The following CRYBG1 variants were observed in gnomAD, a reference collection of about 807,000 sequenced individuals.
CRYBG1 encodes the protein crystallin beta-gamma domain containing 1, also known as beta/gamma crystallin domain-containing protein 1.
A neutral mutation model predicts 189.2 loss-of-function variants in CRYBG1; 139 were observed. That is an observed-to-expected ratio of 0.73 (90% CI 0.64 to 0.85). The LOEUF is 0.85. Among genes scored for constraint, CRYBG1 ranks in the 40% least tolerant of loss-of-function variants. The probability of loss-of-function intolerance (pLI) is 0.00; values close to 1 mark genes in which losing one functional copy is unlikely to be tolerated. For synonymous variants in CRYBG1, 1,023 were observed against 1,017.1 expected (o/e 1.01, Z -0.11); for missense variants, 2,611 against 2,675.8 (o/e 0.98, Z 0.53).
chr6:106,451,787 T>C lies in CRYBG1; in HGVS notation c.267T>C (p.Ser89=). 1 of 1,535,140 alleles carries C rather than the reference T, an allele frequency of 6.5e-7. No homozygotes were observed. Among genetic ancestry groups the C allele is most frequent in the Non-Finnish European group, 8.7e-7 (1 of 1,146,540 alleles). ...CGESQFFHTT[S]EALGSLLLES... ...AATCCCAGTTCTTCCACACCACCAGTGAGGCGCTTGGTTCCTTACTTCTAG... is the reference window on the plus strand; with the variant it reads ...AATCCCAGTTCTTCCACACCACCAGCGAGGCGCTTGGTTCCTTACTTCTAG... The change falls in exon 2 of 22, where the codon AGT becomes AGC. Residue 89 remains serine (S), a synonymous_variant. Coordinates refer to ENST00000633556, the MANE Select transcript of CRYBG1 (RefSeq NM_001371242.2).
chr6:106,477,194 C>T lies in CRYBG1; in HGVS notation c.312+25362C>T, dbSNP rs189243821. Among the ~76,000 whole-genome samples, 282 of 152,180 alleles carry T rather than the reference C, an allele frequency of 1.9e-3. 2 individuals are homozygous for T. The highest frequency in any genetic ancestry group is 6.2e-3 in the African/African-American group (258 of 41,516). ...TGTAATTCCAAAGCCACAAAGATGA[C>T]GTTGTTTTAATCATTGTTTCATCCT... On this transcript the variant is annotated intron_variant, in intron 2 of 21. Transcript: ENST00000633556.
At chr6:106,459,409 A>T (rs1771956238) in intron 2 of CRYBG1, among the ~76,000 whole-genome samples, 1 of 152,114 alleles carries the variant, frequency 6.6e-6, no homozygotes, top group Admixed American at 6.5e-5. Flanking sequence ...GCAAAAAAAA[A>T]TTCCAAGAAT....
intron 15 of CRYBG1, among the ~76,000 whole-genome samples, chr6:106,552,562 G>A (rs1297328619): frequency 9.0e-6 from 1 of 110,846 alleles, no homozygotes; most frequent in Non-Finnish European, 1.7e-5. Context: ...ACTCCAGCCT[G>A]AGTGACAGAG....
chr6:106,567,924 C>T (rs150917490), intron 21 of CRYBG1, among the ~76,000 whole-genome samples: 227 of 152,266 alleles, frequency 1.5e-3, no homozygotes, highest in Middle Eastern at 3.4e-3. Flanking sequence ...AATGCTACCG[C>T]GTCCCCTTAT....
intron 2 of CRYBG1, among the ~76,000 whole-genome samples, chr6:106,498,560 A>G (rs1273114980): frequency 6.6e-6 from 1 of 152,206 alleles, no homozygotes. Flanking sequence ...CAATTGTGGT[A>G]TATCAGCATA....
At chr6:106,457,880 A>G (rs115077919) in intron 2 of CRYBG1, among the ~76,000 whole-genome samples, 1,957 of 152,338 alleles carry the variant, frequency 0.013, 31 homozygotes, top group African/African-American at 0.044. Flanking sequence ...GAAAATAGAG[A>G]GCAATGTATA....
intron 2 of CRYBG1, among the ~76,000 whole-genome samples, chr6:106,453,207 T>G (rs901762906): frequency 5.9e-5 from 9 of 152,212 alleles, no homozygotes; most frequent in African/African-American, 2.2e-4. Context: ...TAAAAAATGT[T>G]AAAGCTTACT....
Position 106,539,485 on chromosome 6 carries a change from G to C in CRYBG1, c.4801G>C (p.Asp1601His). Residue 1601 changes from aspartate (D) to histidine (H), a missense_variant, in exon 9 of 22, where the codon GAT (aspartate) becomes CAT (histidine). By Grantham distance (81) the Asp-to-His change is moderately conservative. This residue lies in a region of CRYBG1 where 1,622 missense variants were observed against 1,735.0 expected (regional missense o/e 0.93). Coordinates refer to ENST00000633556, the MANE Select transcript of CRYBG1 (RefSeq NM_001371242.2). ...TGAATACCCTGACTTGTCCTTCTGG[G>C]ATACAGAAGAAGCGTACATTGGATC... ...PGEYPDLSFW[D>H]TEEAYIGSMR... 1 of 1,613,414 alleles carries C rather than the reference G, an allele frequency of 6.2e-7. No homozygotes were observed. The highest frequency in any genetic ancestry group is 8.5e-7 in the Non-Finnish European group (1 of 1,179,488).
rs1447104280 is a variant in CRYBG1 at position 106,360,736 on chromosome 6, T to A, written c.-173T>A. ...GGCTGCAGTGCTGCTCGCGCTGCGC[T>A]GGGTGCTGGTTCTGCAACCCGCGGC... On this transcript the variant is annotated 5_prime_UTR_variant, in exon 1 of 22. Transcript: ENST00000633556. 1.5e-6 allele frequency: 1 copy of A among 675,122 alleles called. No homozygotes were observed. The highest frequency in any genetic ancestry group is 1.9e-5 in the African/African-American group (1 of 51,672). The allele number at this position is 675,122 out of a possible 1,614,324, so 41.8% of individuals were successfully genotyped here.
chr6:106,513,369 T>C lies in CRYBG1; in HGVS notation c.1922+330T>C, dbSNP rs79834013. Among the ~76,000 whole-genome samples the C allele has an allele frequency of 7.5e-3, 1,147 of 152,312 alleles. 17 individuals are homozygous for C. Among genetic ancestry groups the C allele is most frequent in the African/African-American group, 0.027 (1,110 of 41,554 alleles). The stretch of plus-strand genomic sequence containing the variant: ...AGCTGATTCTATTCTTTATTCAAAA[T>C]GTACAAGGGTGTTCCAAGGTGGGAT... On this transcript the variant is annotated intron_variant, in intron 3 of 21. Transcript: ENST00000633556.
At position 106,511,678 on chromosome 6, in the gene CRYBG1, G is replaced by A. The variant is rs1414870572; in HGVS notation, c.561G>A (p.Arg187=). The A allele has an allele frequency of 6.5e-7, 1 of 1,535,698 alleles. No individual in the cohort carries two copies. Residue 187 remains arginine, a synonymous_variant, in exon 3 of 22, where the codon CGG becomes CGA. Transcript: ENST00000633556. The stretch of plus-strand genomic sequence containing the variant: ...ACACAAGCGAGGAGGGCTCCCCGCG[G>A]GAGAATCCCCGAGAGGCAGAGGGCG... ...QTDTSEEGSP[R]ENPREAEGEL...
At chr6:106,429,528 C>CT (rs1044724450) in intron 1 of CRYBG1, among the ~76,000 whole-genome samples, 6 of 152,156 alleles carry the variant, frequency 3.9e-5, no homozygotes, top group African/African-American at 1.4e-4. Context: ...CAAAATATGG[C>CT]TTTTATTTTT....
At chr6:106,429,837 T>C (rs937882976) in intron 1 of CRYBG1, among the ~76,000 whole-genome samples, 5 of 152,218 alleles carry the variant, frequency 3.3e-5, no homozygotes, top group Non-Finnish European at 7.3e-5. Flanking sequence ...AGCACAGTGC[T>C]GGGGCTGTAG....
chr6:106,430,303 C>T (rs1771301127), intron 1 of CRYBG1, among the ~76,000 whole-genome samples: 2 of 152,086 alleles, frequency 1.3e-5, no homozygotes, highest in African/African-American at 4.8e-5. Context: ...TGCAGTGGCT[C>T]ACGCCTGTGA....
chr6:106,515,247 G>A (rs563219200), intron 3 of CRYBG1, among the ~76,000 whole-genome samples: 1 of 152,136 alleles, frequency 6.6e-6, no homozygotes, highest in African/African-American at 2.4e-5. Flanking sequence ...ATTTTCCCCT[G>A]TCTCATAATG....
intron 1 of CRYBG1, among the ~76,000 whole-genome samples, chr6:106,431,785 TACC>T (rs1362276142): frequency 6.6e-6 from 1 of 152,100 alleles, no homozygotes; most frequent in African/African-American, 2.4e-5. Flanking sequence ...AATGTTTCCG[TACC>T]CTACAGCACC....
chr6:106,539,413 T>G lies in CRYBG1; in HGVS notation c.4729T>G (p.Tyr1577Asp). The G allele has an allele frequency of 6.2e-7, 1 of 1,613,970 alleles. No individual in the cohort carries two copies. The highest frequency in any genetic ancestry group is 8.5e-7 in the Non-Finnish European group (1 of 1,179,960). ...ATGGTGGCTATTTAGGTGGCTGATTTATGAAGAACCTGGATTTCAGGGTGT... is the reference window on the plus strand; with the variant it reads ...ATGGTGGCTATTTAGGTGGCTGATTGATGAAGAACCTGGATTTCAGGGTGT... ...MKVHWGTWLI[Y>D]EEPGFQGVPF... The change falls in exon 9 of 22, where the codon TAT (tyrosine) becomes GAT (aspartate). Residue 1577 changes from tyrosine (Y) to aspartate (D), a missense_variant. By Grantham distance (160) the Tyr-to-Asp change is radical (BLOSUM62 -3). This residue lies in a region of CRYBG1 where 1,622 missense variants were observed against 1,735.0 expected (regional missense o/e 0.93). Coordinates refer to ENST00000633556, the MANE Select transcript of CRYBG1 (RefSeq NM_001371242.2).
intron 8 of CRYBG1, among the ~76,000 whole-genome samples, chr6:106,532,192 C>G (rs1387654690): frequency 4.6e-5 from 7 of 152,104 alleles, no homozygotes; most frequent in African/African-American, 1.7e-4. Context: ...TCTCTTCTAG[C>G]TATTTTGAAA....
rs1038391758 is a variant in CRYBG1 at position 106,543,540 on chromosome 6, C to A, written c.4982C>A (p.Thr1661Asn). 1 of 1,613,946 alleles carries A rather than the reference C, an allele frequency of 6.2e-7. No homozygotes were observed. The highest frequency in any genetic ancestry group is 8.5e-7 in the Non-Finnish European group (1 of 1,179,966). Residue 1661 changes from threonine (T) to asparagine (N), a missense_variant, in exon 11 of 22, where the codon ACT becomes AAT. Transcript: ENST00000633556. ...VMEGGETEEA[T>N]GDDHLPFTSV... ...GAGGGAGGTGAAACAGAAGAGGCGACTGGAGACGATCATTTGCCGTTTACG... is the reference window on the plus strand; with the variant it reads ...GAGGGAGGTGAAACAGAAGAGGCGAATGGAGACGATCATTTGCCGTTTACG...
Sources: gnomAD v4.1 joint callset for allele counts (sites outside exome capture counted in the v4.1 genomes callset) on GRCh38, gnomAD v4.1.1 for gene constraint, gnomAD v4.1.1 regional missense constraint, MANE v1.5 for transcripts, NCBI Gene and HGNC (gene_info 2026-07-23, HGNC 2026-07-21) for gene names.